CKAP4: variants seen among roughly 807,000 people sequenced by gnomAD.
CKAP4 encodes the protein cytoskeleton associated protein 4.
CKAP4 carries 20 observed loss-of-function variants against 24.4 expected under a neutral mutation model. The ratio of observed to expected loss-of-function variants is 0.82; its 90% CI spans 0.58 to 1.19. CKAP4 has a LOEUF of 1.19. CKAP4 is among the 50% of genes most tolerant of loss of function. The pLI is 0.00. For synonymous variants in CKAP4, 378 were observed against 351.7 expected (o/e 1.07, Z -0.84); for missense variants, 744 against 765.3 (o/e 0.97, Z 0.33).
In CKAP4 at chr12:106,238,986, A is replaced by G. The variant is rs1309625576; in HGVS notation, c.*38T>C. On this transcript the variant is annotated 3_prime_UTR_variant, in exon 2 of 2. Transcript: ENST00000378026. ...ACCACACATTTTTTGGTCATGAGAAATTGGACTTTAAATCCGCGCCCTGCA... is the reference window on the plus strand; with the variant it reads ...ACCACACATTTTTTGGTCATGAGAAGTTGGACTTTAAATCCGCGCCCTGCA... The G allele has an allele frequency of 6.3e-7, 1 of 1,592,014 alleles. No individual in the cohort carries two copies. The highest frequency in any genetic ancestry group is 8.6e-7 in the Non-Finnish European group (1 of 1,165,668).
At position 106,239,265 on chromosome 12, in the gene CKAP4, C is replaced by A. The variant is rs374979802; in HGVS notation, c.1568G>T (p.Arg523Leu). The A allele has an allele frequency of 8.1e-6, 13 of 1,613,452 alleles. No individual in the cohort carries two copies. Among genetic ancestry groups the A allele is most frequent in the Admixed American group, 1.7e-5 (1 of 60,006 alleles). The change falls in exon 2 of 2, where the codon CGT (arginine) becomes CTT (leucine). Residue 523 changes from arginine (R) to leucine (L), a missense_variant. Transcript: ENST00000378026. The surrounding 1 kb of genome is among the most constrained non-coding windows in gnomAD (Gnocchi z 4.9). ...LLSQDQAQAA[R>L]LPPQDFLDRL... ...GTCCAGGAAGTCCTGAGGAGGCAGA[C>A]GGGCGGCCTGGGCTTGGTCCTGACT...
In CKAP4 at chr12:106,239,032, T is replaced by C; in HGVS notation, c.1801A>G (p.Lys601Glu). The change falls in exon 2 of 2, where the codon AAG becomes GAG. Residue 601 changes from lysine to glutamate, a missense_variant. Transcript: ENST00000378026. The surrounding 1 kb of genome is among the most constrained non-coding windows in gnomAD (Gnocchi z 4.9). ...CTGCACACGCAATTCATTTAGACCT[T>C]TTCGTGAATCTTCTCCACTTTCACA... ...LFVKVEKIHE[K>E]V The C allele has an allele frequency of 1.2e-6, 2 of 1,613,006 alleles. No individual in the cohort carries two copies. The highest frequency in any genetic ancestry group is 1.7e-6 in the Non-Finnish European group (2 of 1,179,148).
In CKAP4 at chr12:106,237,980, T is replaced by C. The variant is rs2033920363; in HGVS notation, c.*1044A>G. 6.7e-6 allele frequency: 1 copy of C among 149,004 alleles called. No individual in the cohort carries two copies. The highest frequency in any genetic ancestry group is 6.7e-5 in the Admixed American group (1 of 14,894). The allele number at this position is 149,004 out of a possible 1,614,324, so 9.2% of individuals were successfully genotyped here. ...CTAAACAAAACTTTTTTTTTTTTTTTTTACTTTTCGGGTTTTTTTTTTTTT... is the reference window on the plus strand; with the variant it reads ...CTAAACAAAACTTTTTTTTTTTTTTCTTACTTTTCGGGTTTTTTTTTTTTT... On this transcript the variant is annotated 3_prime_UTR_variant, in exon 2 of 2. Coordinates refer to ENST00000378026, the MANE Select transcript of CKAP4 (RefSeq NM_006825.4).
At chr12:106,242,645 G>A (rs2033977939) in intron 1 of CKAP4, among the ~76,000 whole-genome samples, 1 of 152,206 alleles carries the variant, frequency 6.6e-6, no homozygotes, top group African/African-American at 2.4e-5. Flanking sequence ...GTACTGGAGA[G>A]AGCCCATCTC....
chr12:106,238,901 G>T lies in CKAP4; in HGVS notation c.*123C>A. 1 of 984,206 alleles carries T rather than the reference G, an allele frequency of 1.0e-6. No individual in the cohort carries two copies. Among genetic ancestry groups the T allele is most frequent in the Non-Finnish European group, 1.5e-6 (1 of 652,784 alleles). 61.0% of individuals were successfully genotyped at this position (984,206 alleles called of 1,614,324 possible). A position where few individuals can be genotyped will look rare whatever the true frequency, so the allele number is the denominator to read the frequency against. ...AATACAATGCCTTGGTGTTCAGGTG[G>T]TGACAACTGCTCTTTAAGAGGGGAC... On this transcript the variant is annotated 3_prime_UTR_variant, in exon 2 of 2. Transcript: ENST00000378026.
intron 1 of CKAP4, among the ~76,000 whole-genome samples, chr12:106,240,931 T>C (rs996889640): frequency 3.3e-5 from 5 of 152,220 alleles, no homozygotes; most frequent in African/African-American, 1.2e-4. Context: ...TAGATCCTGA[T>C]TTGAACAAAC....
Position 106,247,942 on chromosome 12 carries a change from G to T in CKAP4, c.-91C>A. The T allele has an allele frequency of 3.7e-6, 3 of 814,498 alleles. No homozygotes were observed. The highest frequency in any genetic ancestry group is 5.5e-5 in the South Asian group (1 of 18,300). 50.5% of individuals were successfully genotyped at this position (814,498 alleles called of 1,614,324 possible). On this transcript the variant is annotated 5_prime_UTR_variant, in exon 1 of 2. Transcript: ENST00000378026. The surrounding 1 kb of genome is among the most constrained non-coding windows in gnomAD (Gnocchi z 4.5). Reference sequence around the variant, plus strand: ...AACTTGCAGGGGCTCCCCCGGGACTGGGCGAGCGGCACGCGGGCGCTGCTG... The same window carrying T: ...AACTTGCAGGGGCTCCCCCGGGACTTGGCGAGCGGCACGCGGGCGCTGCTG...
Position 106,239,797 on chromosome 12 carries a change from G to A in CKAP4, c.1036C>T (p.Arg346Trp), listed in dbSNP as rs374042901. Residue 346 changes from arginine (R) to tryptophan (W), a missense_variant, in exon 2 of 2, where the codon CGG (arginine) becomes TGG (tryptophan). Physicochemically the swap from Arg to Trp is moderately radical, Grantham distance 101. Transcript: ENST00000378026. The surrounding 1 kb of genome is among the most constrained non-coding windows in gnomAD (Gnocchi z 4.9). Reference sequence around the variant, plus strand: ...TCCGTGAGGGCCTGCAGGGCGAGCCGCTCCGTGTCGGCCGCCTCCTTGAAA... The same window carrying A: ...TCCGTGAGGGCCTGCAGGGCGAGCCACTCCGTGTCGGCCGCCTCCTTGAAA... ...QAFKEAADTE[R>W]LALQALTEKL... 7 of 1,613,918 alleles carry A rather than the reference G, an allele frequency of 4.3e-6. No homozygotes were observed. Among genetic ancestry groups the A allele is most frequent in the African/African-American group, 1.3e-5 (1 of 74,924 alleles).
chr12:106,247,345 AG>A lies in CKAP4; in HGVS notation c.483+23del. 1 of 1,514,338 alleles carries A rather than the reference AG, an allele frequency of 6.6e-7. No homozygotes were observed. The highest frequency in any genetic ancestry group is 2.0e-5 in the Admixed American group (1 of 49,990). The allele number at this position is 1,514,338 out of a possible 1,614,324, so 93.8% of individuals were successfully genotyped here. A position where few individuals can be genotyped will look rare whatever the true frequency, so the allele number is the denominator to read the frequency against. ...TCCGGAGGCCGCAGTCGATGGGGAC[AG>A]TTGCGGGGCCGGGGGTACCCACCTT... is the stretch of plus-strand genomic sequence containing the variant. On this transcript the variant is annotated intron_variant, in intron 1 of 1. Transcript: ENST00000378026. The surrounding 1 kb of genome is among the most constrained non-coding windows in gnomAD (Gnocchi z 4.5).
Position 106,239,745 on chromosome 12 carries a change from A to G in CKAP4, c.1088T>C (p.Val363Ala), listed in dbSNP as rs934379141. The change falls in exon 2 of 2, where the codon GTC becomes GCC. Residue 363 changes from valine to alanine, a missense_variant. Around this residue, in one of 3 missense-constraint regions of CKAP4, gnomAD observed 401 missense variants for 424.5 expected, o/e 0.94. Coordinates refer to ENST00000378026, the MANE Select transcript of CKAP4 (RefSeq NM_006825.4). The surrounding 1 kb of genome is among the most constrained non-coding windows in gnomAD (Gnocchi z 4.9). Reference sequence around the variant, plus strand: ...CCGGATCTCCTCCGGGAGGCGGGAGACGGACTCCTCAGACCTGAGAAGCTT... The same window carrying G: ...CCGGATCTCCTCCGGGAGGCGGGAGGCGGACTCCTCAGACCTGAGAAGCTT... Reference protein sequence around the residue: ...TEKLLRSEESVSRLPEEIRRL... With the variant: ...TEKLLRSEESASRLPEEIRRL... The G allele has an allele frequency of 1.9e-6, 3 of 1,613,468 alleles. No individual in the cohort carries two copies. Among genetic ancestry groups the G allele is most frequent in the African/African-American group, 2.7e-5 (2 of 74,736 alleles).
At position 106,239,746 on chromosome 12, in the gene CKAP4, C is replaced by T. The variant is rs776548460; in HGVS notation, c.1087G>A (p.Val363Ile). The T allele has an allele frequency of 1.7e-5, 27 of 1,613,898 alleles. No homozygotes were observed. The highest frequency in any genetic ancestry group is 4.5e-5 in the East Asian group (2 of 44,842). Reference protein sequence around the residue: ...TEKLLRSEESVSRLPEEIRRL... With the variant: ...TEKLLRSEESISRLPEEIRRL... ...CGGATCTCCTCCGGGAGGCGGGAGA[C>T]GGACTCCTCAGACCTGAGAAGCTTC... Residue 363 changes from valine (V) to isoleucine (I), a missense_variant, in exon 2 of 2, where the codon GTC becomes ATC. Val to Ile is a conservative substitution (Grantham distance 29). Coordinates refer to ENST00000378026, the MANE Select transcript of CKAP4 (RefSeq NM_006825.4). The surrounding 1 kb of genome is among the most constrained non-coding windows in gnomAD (Gnocchi z 4.9).
rs2034032434 is a variant in CKAP4 at position 106,247,885 on chromosome 12, G to C, written c.-34C>G. ...CGGCGGCGGCTCGGGCCGCGGGCTG[G>C]GAGGCGAGCGAGCGCGGCGCGCGGC... On this transcript the variant is annotated 5_prime_UTR_variant, in exon 1 of 2. Transcript: ENST00000378026. The surrounding 1 kb of genome is among the most constrained non-coding windows in gnomAD (Gnocchi z 4.5). The C allele has an allele frequency of 2.0e-6, 2 of 1,021,900 alleles. No individual in the cohort carries two copies. The highest frequency in any genetic ancestry group is 2.3e-6 in the Non-Finnish European group (2 of 854,892). 63.3% of individuals were successfully genotyped at this position (1,021,900 alleles called of 1,614,324 possible). A position where few individuals can be genotyped will look rare whatever the true frequency, so the allele number is the denominator to read the frequency against.
chr12:106,247,910 C>T lies in CKAP4; in HGVS notation c.-59G>A. On this transcript the variant is annotated 5_prime_UTR_variant, in exon 1 of 2. Coordinates refer to ENST00000378026, the MANE Select transcript of CKAP4 (RefSeq NM_006825.4). This position sits in a 1 kb window ranked among gnomAD's most constrained non-coding sequence, Gnocchi z 4.5. ...GGAGGCGAGCGAGCGCGGCGCGCGGCCCGGGAAACTTGCAGGGGCTCCCCC... is the reference window on the plus strand; with the variant it reads ...GGAGGCGAGCGAGCGCGGCGCGCGGTCCGGGAAACTTGCAGGGGCTCCCCC... 3 of 992,760 alleles carry T rather than the reference C, an allele frequency of 3.0e-6. No individual in the cohort carries two copies. The highest frequency in any genetic ancestry group is 3.6e-6 in the Non-Finnish European group (3 of 830,724). The allele number at this position is 992,760 out of a possible 1,614,324, so 61.5% of individuals were successfully genotyped here.
Position 106,247,276 on chromosome 12 carries a change from G to T in CKAP4, c.483+93C>A. ...TCCCGCCTCCGGGCCTGGGCAGGCA[G>T]CGCTAGGGGCCGGTCGGGAAGCACG... On this transcript the variant is annotated intron_variant, in intron 1 of 1. Coordinates refer to ENST00000378026, the MANE Select transcript of CKAP4 (RefSeq NM_006825.4). The surrounding 1 kb of genome is among the most constrained non-coding windows in gnomAD (Gnocchi z 4.5). The T allele has an allele frequency of 8.3e-7, 1 of 1,200,510 alleles. No homozygotes were observed. The highest frequency in any genetic ancestry group is 1.1e-6 in the Non-Finnish European group (1 of 889,560). The allele number at this position is 1,200,510 out of a possible 1,614,324, so 74.4% of individuals were successfully genotyped here. A position where few individuals can be genotyped will look rare whatever the true frequency, so the allele number is the denominator to read the frequency against.
In CKAP4 at chr12:106,239,174, G is replaced by A. The variant is rs932040303; in HGVS notation, c.1659C>T (p.Leu553=). 5 of 1,613,968 alleles carry A rather than the reference G, an allele frequency of 3.1e-6. No individual in the cohort carries two copies. In the African/African-American group the frequency reaches 4.0e-5, roughly 13 times the overall value. ...CAACCAAACTGTCCACAGCAGTCCT[G>A]AGCATTTTCAAGTCCGCCTCCACTT... ...VSQVEADLKM[L]RTAVDSLVAY... The change falls in exon 2 of 2, where the codon CTC becomes CTT. Residue 553 remains leucine (L), a synonymous_variant. Coordinates refer to ENST00000378026, the MANE Select transcript of CKAP4 (RefSeq NM_006825.4). The surrounding 1 kb of genome is among the most constrained non-coding windows in gnomAD (Gnocchi z 4.9).
chr12:106,243,749 G>A (rs191915799), intron 1 of CKAP4, among the ~76,000 whole-genome samples: 2 of 152,166 alleles, frequency 1.3e-5, no homozygotes, highest in East Asian at 1.9e-4. Flanking sequence ...AGAACATCTG[G>A]AGAACAAGAG....
intron 1 of CKAP4, among the ~76,000 whole-genome samples, chr12:106,241,048 G>A (rs1364788993): frequency 1.3e-5 from 2 of 152,104 alleles, no homozygotes; most frequent in Non-Finnish European, 2.9e-5. Flanking sequence ...GGAGTGCCTT[G>A]AGCCTGGGCA....
intron 1 of CKAP4, among the ~76,000 whole-genome samples, chr12:106,243,664 C>A (rs1565949290): frequency 6.6e-6 from 1 of 152,232 alleles, no homozygotes. Context: ...CTGCTGAATC[C>A]TCTGGGTAAG....
Position 106,239,510 on chromosome 12 carries a change from G to C in CKAP4, c.1323C>G (p.Ser441Arg). 1 of 1,609,372 alleles carries C rather than the reference G, an allele frequency of 6.2e-7. No homozygotes were observed. The highest frequency in any genetic ancestry group is 8.5e-7 in the Non-Finnish European group (1 of 1,179,348). ...CGGCCAGGCGCTGCTCGTGCTCCTGGCTCTTGGACAGGAGGGACTCCAGGC... is the reference window on the plus strand; with the variant it reads ...CGGCCAGGCGCTGCTCGTGCTCCTGCCTCTTGGACAGGAGGGACTCCAGGC... ...TESLESLLSK[S>R]QEHEQRLAAL... The change falls in exon 2 of 2, where the codon AGC becomes AGG. Residue 441 changes from serine to arginine, a missense_variant. Ser to Arg is a moderately radical substitution (Grantham distance 110). Transcript: ENST00000378026. The surrounding 1 kb of genome is among the most constrained non-coding windows in gnomAD (Gnocchi z 4.9).
Sources: gnomAD v4.1 joint callset for allele counts (sites outside exome capture counted in the v4.1 genomes callset) on GRCh38, gnomAD v4.1.1 for gene constraint, gnomAD v4.1.1 regional missense constraint, Gnocchi (gnomAD v3.1) non-coding constraint, MANE v1.5 for transcripts, NCBI Gene and HGNC (gene_info 2026-07-23, HGNC 2026-07-21) for gene names.